Variants in MICALL1 observed in about 807,000 individuals in gnomAD.
The protein encoded by MICALL1 is MICAL-like protein 1.
In MICALL1, 61 loss-of-function variants were observed where a neutral mutation model predicts 83.7. The ratio of observed to expected loss-of-function variants is 0.73; its 90% confidence interval spans 0.59 to 0.90. The LOEUF (loss-of-function observed/expected upper bound fraction) is 0.90. Ranked by LOEUF, MICALL1 falls within the 40% of genes least tolerant of loss-of-function variation. MICALL1 has a pLI of 0.00. For missense variants in MICALL1, 1,066 were observed against 1,152.0 expected (o/e 0.93, Z 1.08); for synonymous variants, 481 against 473.6 (o/e 1.02, Z -0.20).
At chr22:37,914,689 G>A (rs958900738) in intron 3 of MICALL1, among the ~76,000 whole-genome samples, 5 of 151,906 alleles carry the variant, frequency 3.3e-5, no homozygotes, top group African/African-American at 1.2e-4. Context: ...TGCCTAGGCT[G>A]GAGTGCAGTG....
chr22:37,927,531 A>G lies in MICALL1; in HGVS notation c.1586A>G (p.Glu529Gly), dbSNP rs1929533668. The G allele has an allele frequency of 6.2e-7, 1 of 1,613,518 alleles. No homozygotes were observed. The highest frequency in any genetic ancestry group is 1.1e-5 in the South Asian group (1 of 91,076). Residue 529 changes from glutamate to glycine, a missense_variant, in exon 9 of 16, where the codon GAG becomes GGG. Transcript: ENST00000215957. ...ASQTAGAELL[E>G]PPAVPKSSSE... ...CAGACTGCAGGTGCAGAGCTTCTGG[A>G]GCCGCCAGCTGTGCCCAAGAGCTCC...
chr22:37,932,768 C>A lies in MICALL1; in HGVS notation c.2144-30C>A, dbSNP rs1929867231. On this transcript the variant is annotated intron_variant, in intron 11 of 15. Coordinates refer to ENST00000215957, the MANE Select transcript of MICALL1 (RefSeq NM_033386.4). This position sits in a 1 kb window ranked among gnomAD's most constrained non-coding sequence, Gnocchi z 4.4. ...GAACTGAGCCAGGCATGGCAGCCAGCCCTGGCCTCAGTGGGTATCTGGCTT... is the reference window on the plus strand; with the variant it reads ...GAACTGAGCCAGGCATGGCAGCCAGACCTGGCCTCAGTGGGTATCTGGCTT... 4 of 1,613,658 alleles carry A rather than the reference C, an allele frequency of 2.5e-6. No homozygotes were observed. The highest frequency in any genetic ancestry group is 3.4e-6 in the Non-Finnish European group (4 of 1,179,768).
At chr22:37,913,876 C>A (rs1012074472) in intron 3 of MICALL1, among the ~76,000 whole-genome samples, 5 of 138,718 alleles carry the variant, frequency 3.6e-5, no homozygotes, top group African/African-American at 1.3e-4. Context: ...TGGCCCAACT[C>A]TTTTTTTTTT....
At chr22:37,936,620 C>T (rs1054734886) in intron 13 of MICALL1, among the ~76,000 whole-genome samples, 4 of 152,140 alleles carry the variant, frequency 2.6e-5, no homozygotes, top group South Asian at 2.1e-4. Context: ...TGGCCGGGCG[C>T]GGTGGCTCAC....
chr22:37,921,853 G>A (rs1294672995), intron 5 of MICALL1, 119 bp from the exon 6 acceptor site: 13 of 928,622 alleles, frequency 1.4e-5, no homozygotes, highest in Admixed American at 5.2e-5. Flanking sequence ...ATGGAGTCGA[G>A]CTTGGCTGGC....
rs1929286197 is a variant in MICALL1 at position 37,924,386 on chromosome 22, A to C, written c.1025-274A>C. ...GTGGCTCCCAGGCTGACTTGAGATG[A>C]TGTTTTCTGCCCACACTGGCGGGGG... On this transcript the variant is annotated intron_variant, in intron 6 of 15. Transcript: ENST00000215957. The surrounding 1 kb of genome is among the most constrained non-coding windows in gnomAD (Gnocchi z 5.2). Among the ~76,000 whole-genome samples, 1 of 152,058 alleles carries C rather than the reference A, an allele frequency of 6.6e-6. No individual in the cohort carries two copies. The highest frequency in any genetic ancestry group is 2.4e-5 in the African/African-American group (1 of 41,394).
intron 13 of MICALL1, among the ~76,000 whole-genome samples, chr22:37,935,548 C>T (rs1435009058): frequency 4.6e-5 from 7 of 151,914 alleles, no homozygotes; most frequent in East Asian, 1.9e-4. Context: ...CGTGAGCCAC[C>T]GCACCCGGCC....
intron 15 of MICALL1, among the ~76,000 whole-genome samples, chr22:37,938,267 T>C (rs1930242811): frequency 6.6e-6 from 1 of 151,884 alleles, no homozygotes; most frequent in African/African-American, 2.4e-5. Flanking sequence ...TCAGGCGTGG[T>C]GGCGAGAGCT....
rs1929545428 is a variant in MICALL1 at position 37,927,641 on chromosome 22, C to A, written c.1696C>A (p.Leu566Ile). ...CTCCTCCCTGGCCTCCTCTGGGGAA[C>A]TAGTGGAGCCTAGAGTGGAACAAAT... Reference protein sequence around the residue: ...TNSSLASSGELVEPRVEQMPQ... With the variant: ...TNSSLASSGEIVEPRVEQMPQ... Residue 566 changes from leucine to isoleucine, a missense_variant, in exon 9 of 16, where the codon CTA becomes ATA. Transcript: ENST00000215957. 6.2e-7 allele frequency: 1 copy of A among 1,614,058 alleles called. No homozygotes were observed. Among genetic ancestry groups the A allele is most frequent in the African/African-American group, 1.3e-5 (1 of 74,928 alleles).
chr22:37,914,424 A>C (rs1397800544), intron 3 of MICALL1, among the ~76,000 whole-genome samples: 1 of 142,180 alleles, frequency 7.0e-6, no homozygotes, highest in Non-Finnish European at 1.5e-5. Flanking sequence ...ACGGGGTTTC[A>C]CCATGTTGGC....
chr22:37,920,756 C>T (rs904688799), intron 5 of MICALL1, among the ~76,000 whole-genome samples: 1 of 151,888 alleles, frequency 6.6e-6, no homozygotes, highest in Non-Finnish European at 1.5e-5. Flanking sequence ...CCCGTCTCTA[C>T]TAAAAATACA....
Position 37,933,087 on chromosome 22 carries a change from G to T in MICALL1, c.2283G>T (p.Glu761Asp), listed in dbSNP as rs1242755543. Residue 761 changes from glutamate (E) to aspartate (D), a missense_variant, in exon 13 of 16, where the codon GAG (glutamate) becomes GAT (aspartate). Physicochemically the swap from Glu to Asp is conservative, Grantham distance 45. Transcript: ENST00000215957. ...AGCGCCAGGCTGATGTCGAGTATGA[G>T]CTCCGGTGCCTCCTCAATAAGCCAG... ...LEQRQADVEY[E>D]LRCLLNKPEK... 1.9e-6 allele frequency: 3 copies of T among 1,613,966 alleles called. No individual in the cohort carries two copies.
At chr22:37,912,105 G>T in intron 2 of MICALL1, 105 bp downstream of exon 2, 2 of 1,361,772 alleles carry the variant, frequency 1.5e-6, no homozygotes. Context: ...GGCTGCCCTT[G>T]TACACCGGCC....
chr22:37,908,106 T>C (rs1928083993), intron 1 of MICALL1, among the ~76,000 whole-genome samples: 1 of 151,996 alleles, frequency 6.6e-6, no homozygotes, highest in Non-Finnish European at 1.5e-5. Context: ...GCCGCCTGGT[T>C]TGTGTTTAGC....
intron 3 of MICALL1, 112 bp downstream of exon 3, chr22:37,912,604 C>T (rs945301045): frequency 1.1e-6 from 1 of 932,860 alleles, no homozygotes; most frequent in Non-Finnish European, 1.5e-6. Context: ...AGGAGTGTGT[C>T]ATTCATTTAC....
intron 2 of MICALL1, 60 bp downstream of exon 2, chr22:37,912,060 T>A: frequency 6.3e-7 from 1 of 1,583,642 alleles, no homozygotes; most frequent in Non-Finnish European, 8.7e-7. Flanking sequence ...TGTGTGTGTG[T>A]GTGTTTGGTG....
chr22:37,911,936 C>CCTT lies in MICALL1; in HGVS notation c.147-15_147-13dup. 1 of 1,614,064 alleles carries CCTT rather than the reference C, an allele frequency of 6.2e-7. No individual in the cohort carries two copies. The highest frequency in any genetic ancestry group is 8.5e-7 in the Non-Finnish European group (1 of 1,179,906). On this transcript the variant is annotated splice_polypyrimidine_tract_variant and intron_variant, in intron 1 of 15. Coordinates refer to ENST00000215957, the MANE Select transcript of MICALL1 (RefSeq NM_033386.4). ...CCTCCCCTCTTGACCAACCCTCCTC[C>CCTT]CTTTGCCTCTTGCAGAGATTTTGAT...
At position 37,940,693 on chromosome 22, in the gene MICALL1, CCT is replaced by C. The variant is rs747287874; in HGVS notation, c.2471-11_2471-10del. The C allele has an allele frequency of 2.5e-6, 4 of 1,613,254 alleles. No individual in the cohort carries two copies. Among genetic ancestry groups the C allele is most frequent in the Non-Finnish European group, 3.4e-6 (4 of 1,179,546 alleles). On this transcript the variant is annotated splice_polypyrimidine_tract_variant and intron_variant, in intron 15 of 15. Coordinates refer to ENST00000215957, the MANE Select transcript of MICALL1 (RefSeq NM_033386.4). ...TCTTCTCCACTTTATTAAGTGCTCC[CCT>C]CTCTGTGCTGCAGAGTTCCAGAGGG...
intron 15 of MICALL1, among the ~76,000 whole-genome samples, chr22:37,939,483 A>T (rs1367784992): frequency 6.6e-6 from 1 of 152,222 alleles, no homozygotes; most frequent in Non-Finnish European, 1.5e-5. Flanking sequence ...AGCCTTTTAA[A>T]GATAAATGGG....
Sources: allele counts gnomAD v4.1 joint callset (sites outside exome capture counted in the v4.1 genomes callset), GRCh38; gene constraint gnomAD v4.1.1; non-coding constraint Gnocchi (gnomAD v3.1); transcripts MANE v1.5; gene names NCBI Gene and HGNC (gene_info 2026-07-23, HGNC 2026-07-21).